Variants in TEDC1 observed in about 807,000 individuals in gnomAD.
TEDC1 encodes the protein tubulin epsilon and delta complex protein 1.
In TEDC1, 54 loss-of-function variants were observed where a neutral mutation model predicts 59.9. The ratio of observed to expected loss-of-function variants is 0.90; its 90% CI spans 0.72 to 1.13. The LOEUF is 1.13. Among genes scored for constraint, TEDC1 ranks in the 50% most tolerant of loss-of-function variants. The pLI, the probability that TEDC1 is intolerant of heterozygous loss-of-function variation, is 0.00. For synonymous variants in TEDC1, 353 were observed against 298.1 expected, an observed-to-expected ratio of 1.18 and a Z score of -1.90; for missense variants, 734 against 683.4, an observed-to-expected ratio of 1.07 and a Z score of -0.83.
At position 105,497,369 on chromosome 14, in the gene TEDC1, CTG is replaced by C. The variant is rs2084369973; in HGVS notation, c.905_906del (p.Leu302ArgfsTer3). ...GTTTGCCTTCCAGCTGCTGCGGACT[CTG>C]GAGCGTGAGAACCAGCGCCTGGAGG... ...LSPFRALLRT[L>X]ERENQRLEAV... On this transcript the variant is annotated frameshift_variant, in exon 7 of 9. Transcript: ENST00000392523. LOFTEE classifies it high-confidence loss of function. 6.4e-6 allele frequency: 10 copies of C among 1,551,142 alleles called. No individual in the cohort carries two copies. In the South Asian group the frequency reaches 9.5e-5, roughly 15 times the overall value.
intron 3 of TEDC1, 118 bp from the exon 4 acceptor site, chr14:105,492,461 C>T: frequency 1.4e-6 from 2 of 1,464,212 alleles, no homozygotes; most frequent in Admixed American, 2.1e-5. Context: ...AGCACGGAGG[C>T]TCCCTGTGCA....
rs1555439573 is a variant in TEDC1 at position 105,492,198 on chromosome 14, C to T, written c.318C>T (p.Gly106=). The change falls in exon 3 of 9, where the codon GGC becomes GGT. Residue 106 remains glycine (G), a synonymous_variant. Coordinates refer to ENST00000392523, the MANE Select transcript of TEDC1 (RefSeq NM_001367178.1). ...LAQLPEDGSQ[G]SRELLLALSW... ...AACTACCTGAGGATGGCTCGCAGGGCAGTCGGGAGCTGCTGCTGGCTCTGT... is the reference window on the plus strand; with the variant it reads ...AACTACCTGAGGATGGCTCGCAGGGTAGTCGGGAGCTGCTGCTGGCTCTGT... 2.5e-6 allele frequency: 4 copies of T among 1,612,800 alleles called. No homozygotes were observed. The highest frequency in any genetic ancestry group is 2.5e-6 in the Non-Finnish European group (3 of 1,179,902).
intron 7 of TEDC1, 47 bp downstream of exon 7, chr14:105,497,490 G>GC: frequency 6.5e-7 from 1 of 1,527,974 alleles, no homozygotes; most frequent in Non-Finnish European, 8.8e-7. Context: ...TCCCACAGCA[G>GC]CCCCCAGGTG....
rs909216811 is a variant in TEDC1, at chr14:105,491,664, C to A, written c.190C>A (p.Leu64Ile). ...GCTCCTCTTCCGTGTGCTCTCGCCA[C>A]TCCCTGCGGGCAACGCCTTGGCATC... Reference protein sequence around the residue: ...WQLLFRVLSPLPAGNALASLA... With the variant: ...WQLLFRVLSPIPAGNALASLA... Residue 64 changes from leucine to isoleucine, a missense_variant, in exon 2 of 9, where the codon CTC becomes ATC. Physicochemically the swap from Leu to Ile is conservative, Grantham distance 5. Coordinates refer to ENST00000392523, the MANE Select transcript of TEDC1 (RefSeq NM_001367178.1). 14 of 1,549,574 alleles carry A rather than the reference C, an allele frequency of 9.0e-6. No individual in the cohort carries two copies. Among genetic ancestry groups the A allele is most frequent in the Non-Finnish European group, 1.2e-5 (14 of 1,146,878 alleles).
In TEDC1 at chr14:105,496,105, CAGGGAAGTGGAGA is replaced by C; in HGVS notation, c.891+20_891+32del. ...TAGGGCGGTAAGTCGGGGAGGCTGG[CAGGGAAGTGGAGA>C]CCGCAGGACTTGGGGGTGGGTGGGA... On this transcript the variant is annotated intron_variant, in intron 6 of 8. Transcript: ENST00000392523. The C allele has an allele frequency of 2.1e-6, 2 of 969,630 alleles. No homozygotes were observed. The highest frequency in any genetic ancestry group is 1.3e-4 in the East Asian group (1 of 7,960). 60.1% of individuals were successfully genotyped at this position (969,630 alleles called of 1,614,324 possible). A position where few individuals can be genotyped will look rare whatever the true frequency, so the allele number is the denominator to read the frequency against.
chr14:105,494,956 C>A (rs2084311747), intron 5 of TEDC1: 1 of 152,270 alleles, frequency 6.6e-6, no homozygotes, highest in African/African-American at 2.4e-5. Context: ...CTGCAACCTC[C>A]GTCTCCTGGG....
intron 4 of TEDC1, among the ~76,000 whole-genome samples, chr14:105,493,509 G>T (rs2084267118): frequency 6.6e-6 from 1 of 152,140 alleles, no homozygotes; most frequent in African/African-American, 2.4e-5. Context: ...TGCTGTGCCT[G>T]TCCAGAGGCT....
chr14:105,496,092 T>C lies in TEDC1; in HGVS notation c.891+6T>C, dbSNP rs1555440389. ...TGCTCTCCCCTTTTAGGGCGGTAAG[T>C]CGGGGAGGCTGGCAGGGAAGTGGAG... On this transcript the variant is annotated splice_donor_region_variant and intron_variant, in intron 6 of 8. Coordinates refer to ENST00000392523, the MANE Select transcript of TEDC1 (RefSeq NM_001367178.1). The C allele has an allele frequency of 1.9e-6, 2 of 1,042,748 alleles. No homozygotes were observed. The highest frequency in any genetic ancestry group is 1.2e-4 in the East Asian group (1 of 8,126). 64.6% of individuals were successfully genotyped at this position (1,042,748 alleles called of 1,614,324 possible).
rs1231846707 is a variant in TEDC1, at chr14:105,496,415, C to T, written c.891+329C>T. 1.3e-5 allele frequency: 4 copies of T among 313,426 alleles called. No homozygotes were observed. In the East Asian group the frequency reaches 2.4e-4, roughly 19 times the overall value. 19.4% of individuals were successfully genotyped at this position (313,426 alleles called of 1,614,324 possible). On this transcript the variant is annotated intron_variant, in intron 6 of 8. Transcript: ENST00000392523. ...CCTGCCTGCCTCTGCTCTGCTCCGCCCCAGAGGGGCTGGGTTGGACCTGGT... is the reference window on the plus strand; with the variant it reads ...CCTGCCTGCCTCTGCTCTGCTCCGCTCCAGAGGGGCTGGGTTGGACCTGGT...
At chr14:105,496,255 C>T (rs587712967) in intron 6 of TEDC1, 169 bp downstream of exon 6, 78 of 711,410 alleles carry the variant, frequency 1.1e-4, no homozygotes, top group Non-Finnish European at 1.5e-4. Flanking sequence ...TTGAAGCGGC[C>T]GTACCCATGG....
chr14:105,491,086 A>G (rs1272914002), upstream of TEDC1: 4 of 1,551,182 alleles, frequency 2.6e-6, no homozygotes, highest in African/African-American at 1.4e-5. Flanking sequence ...GACCCTGCCG[A>G]CGCAGTGATT....
At chr14:105,498,302 C>T (rs1189602207) in intron 8 of TEDC1, among the ~76,000 whole-genome samples, 1 of 152,248 alleles carries the variant, frequency 6.6e-6, no homozygotes, top group Non-Finnish European at 1.5e-5. Context: ...CCACACCTGC[C>T]TGGGACCCGT....
intron 7 of TEDC1, 21 bp downstream of exon 7, chr14:105,497,464 C>G (rs2084372699): frequency 1.3e-6 from 2 of 1,540,422 alleles, no homozygotes; most frequent in Non-Finnish European, 1.7e-6. Flanking sequence ...CCGCGCATCC[C>G]TCTCCCGGCA....
upstream of TEDC1, chr14:105,490,144 G>C (rs2084175189): frequency 6.6e-6 from 1 of 150,658 alleles, no homozygotes; most frequent in Admixed American, 6.6e-5. Flanking sequence ...TGCGGGGAGG[G>C]AGAGGAGGGG....
At position 105,499,239 on chromosome 14, in the gene TEDC1, C is replaced by A; in HGVS notation, c.*293C>A. On this transcript the variant is annotated 3_prime_UTR_variant, in exon 9 of 9. Transcript: ENST00000392523. ...TAGCAGCTTTCCTGCCGCTGGCCCT[C>A]CCCCTGCCACCCTGTCGGGTTTCCC... is the stretch of plus-strand genomic sequence containing the variant. The A allele has an allele frequency of 2.0e-6, 1 of 506,970 alleles. No individual in the cohort carries two copies. Among genetic ancestry groups the A allele is most frequent in the Non-Finnish European group, 3.5e-6 (1 of 283,060 alleles). The allele number at this position is 506,970 out of a possible 1,614,324, so 31.4% of individuals were successfully genotyped here.
At chr14:105,494,145 T>C in intron 5 of TEDC1, 1 of 588,850 alleles carries the variant, frequency 1.7e-6, no homozygotes, top group Non-Finnish European at 3.0e-6. Flanking sequence ...ACCCTTCCCT[T>C]CCACAAATCA....
In TEDC1 at chr14:105,493,292, C is replaced by T. The variant is rs371326856; in HGVS notation, c.586-543C>T. Among the ~76,000 whole-genome samples, 80 of 152,244 alleles carry T rather than the reference C, an allele frequency of 5.3e-4. 1 individual carries two copies. Among genetic ancestry groups the T allele is most frequent in the African/African-American group, 1.9e-3 (79 of 41,554 alleles). On this transcript the variant is annotated intron_variant, in intron 4 of 8. Coordinates refer to ENST00000392523, the MANE Select transcript of TEDC1 (RefSeq NM_001367178.1). The stretch of plus-strand genomic sequence containing the variant: ...GGACTCCTTGGAGACCCCCCCATCC[C>T]ACCCTTGCAGAGGGTCTGTTGCTCA...
chr14:105,498,001 C>A, intron 8 of TEDC1, 24 bp downstream of exon 8: 1 of 1,494,416 alleles, frequency 6.7e-7, no homozygotes. Context: ...TCGCTCTGGG[C>A]ACCAGCCCAG....
At position 105,497,395 on chromosome 14, in the gene TEDC1, G is replaced by C. The variant is rs782526717; in HGVS notation, c.930G>C (p.Glu310Asp). 8 of 1,552,800 alleles carry C rather than the reference G, an allele frequency of 5.2e-6. No individual in the cohort carries two copies. The highest frequency in any genetic ancestry group is 7.0e-6 in the Non-Finnish European group (8 of 1,149,124). Residue 310 changes from glutamate to aspartate, a missense_variant, in exon 7 of 9, where the codon GAG becomes GAC. By Grantham distance (45) the Glu-to-Asp change is conservative (BLOSUM62 2). Transcript: ENST00000392523. The part of the protein sequence containing the change: ...RTLERENQRL[E>D]AVLAWRRSEL... ...TGGAGCGTGAGAACCAGCGCCTGGA[G>C]GCTGTCCTGGCGTGGCGGCGCTCTG...
Sources: allele counts gnomAD v4.1 joint callset (sites outside exome capture counted in the v4.1 genomes callset), GRCh38; gene constraint gnomAD v4.1.1; transcripts MANE v1.5; gene names NCBI Gene and HGNC (gene_info 2026-07-23, HGNC 2026-07-21).